FCRL3: variants seen among roughly 807,000 people sequenced by gnomAD.
FCRL3 encodes the protein Fc receptor like 3, also known as Fc receptor-like protein 3.
A neutral mutation model predicts 75.0 loss-of-function variants in FCRL3; 89 were observed. The observed-to-expected ratio is 1.19, with a 90% CI of 1.00 to 1.42. FCRL3 has a LOEUF of 1.42. Ranked by LOEUF, FCRL3 falls within the 40% of genes most tolerant of loss-of-function variation. The pLI, the probability that FCRL3 is intolerant of heterozygous loss-of-function variation, is 0.00. For missense variants in FCRL3, 946 were observed against 880.0 expected (o/e 1.07, Z -0.95); for synonymous variants, 376 against 348.5 (o/e 1.08, Z -0.88).
chr1:157,690,431 G>C lies in FCRL3; in HGVS notation c.1514C>G (p.Pro505Arg), dbSNP rs147268020. The change falls in exon 9 of 15, where the codon CCG becomes CGG. Residue 505 changes from proline (P) to arginine (R), a missense_variant. Coordinates refer to ENST00000368184, the MANE Select transcript of FCRL3 (RefSeq NM_052939.4). Reference protein sequence around the residue: ...LHCESLRGSFPILYWFYHEDD... With the variant: ...LHCESLRGSFRILYWFYHEDD... ...CTCGTGATAAAACCAGTACAGGATCGGGAAGGAGCCTCTCAGGGACTCACA... is the reference window on the plus strand; with the variant it reads ...CTCGTGATAAAACCAGTACAGGATCCGGAAGGAGCCTCTCAGGGACTCACA... 1.2e-6 allele frequency: 2 copies of C among 1,614,216 alleles called. No individual in the cohort carries two copies. Among genetic ancestry groups the C allele is most frequent in the Admixed American group, 3.3e-5 (2 of 60,020 alleles).
At chr1:157,679,035 C>A in intron 13 of FCRL3, 62 bp from the exon 14 acceptor site, 1 of 1,546,964 alleles carries the variant, frequency 6.5e-7, no homozygotes. Flanking sequence ...CAACTTACAA[C>A]GTACGCACAC....
chr1:157,679,140 A>T, intron 13 of FCRL3, 167 bp from the exon 14 acceptor site: 2 of 723,574 alleles, frequency 2.8e-6, no homozygotes, highest in South Asian at 3.6e-5. Context: ...CTCCAAGCCA[A>T]TCTTCTTGAT....
chr1:157,696,353 A>G, intron 6 of FCRL3, 26 bp from the exon 7 acceptor site: 1 of 1,611,230 alleles, frequency 6.2e-7, no homozygotes, highest in Non-Finnish European at 8.5e-7. Context: ...ATGGCATGTG[A>G]AGGTCCTGAT....
chr1:157,683,391 TC>T (rs1282647382), intron 10 of FCRL3, 147 bp from the exon 11 acceptor site: 4 of 937,842 alleles, frequency 4.3e-6, no homozygotes, highest in Non-Finnish European at 6.4e-6. Context: ...CCCTCCTTAC[TC>T]CCCCTATGTT....
chr1:157,690,503 CT>C lies in FCRL3; in HGVS notation c.1441del (p.Arg481GlyfsTer20). 6.2e-7 allele frequency: 1 copy of C among 1,614,218 alleles called. No individual in the cohort carries two copies. The highest frequency in any genetic ancestry group is 1.1e-5 in the South Asian group (1 of 91,082). On this transcript the variant is annotated frameshift_variant, in exon 9 of 15. Transcript: ENST00000368184. LOFTEE classifies it high-confidence loss of function. ...CACCACAGCCTGGGCCCCGGGAGCC[CT>C]GAGGGTGAGGACGGGGCGAGACACC... ...VPVSRPVLTL[R>X]APGAQAVVGD... is the part of the protein sequence containing the mutation.
chr1:157,678,756 T>C lies in FCRL3; in HGVS notation c.2159A>G (p.Glu720Gly), dbSNP rs758945691. The C allele has an allele frequency of 6.2e-7, 1 of 1,614,104 alleles. No individual in the cohort carries two copies. The highest frequency in any genetic ancestry group is 8.5e-7 in the Non-Finnish European group (1 of 1,180,002). The change falls in exon 15 of 15, where the codon GAA becomes GGA. Residue 720 changes from glutamate to glycine, a missense_variant. Transcript: ENST00000368184. ...RGRAHEEDDE[E>G]NYENVPRVLL... ...TACACGTGGTACATTCTCATAGTTT[T>C]CTTCATCATCTTCTTCATGGGCCCT... is the stretch of plus-strand genomic sequence containing the variant.
chr1:157,698,522 C>T lies in FCRL3; in HGVS notation c.160G>A (p.Gly54Arg), dbSNP rs756620692. The change falls in exon 4 of 15, where the codon GGA (glycine) becomes AGA (arginine). Residue 54 changes from glycine (G) to arginine (R), a missense_variant. Transcript: ENST00000368184. Reference protein sequence around the residue: ...CSSISHSLAQGDTYWYHDEKL... With the variant: ...CSSISHSLAQRDTYWYHDEKL... ...TCATCGTGATACCAATATGTGTCTC[C>T]CTGGGCTAGGGAATGTGATATGCTG... The T allele has an allele frequency of 1.2e-5, 19 of 1,614,194 alleles. No homozygotes were observed. Among genetic ancestry groups the T allele is most frequent in the Non-Finnish European group, 1.6e-5 (19 of 1,180,040 alleles).
At chr1:157,684,618 C>CAT (rs1242634062) in intron 10 of FCRL3, among the ~76,000 whole-genome samples, 4 of 152,152 alleles carry the variant, frequency 2.6e-5, no homozygotes, top group African/African-American at 9.6e-5. Context: ...TCCTTGAAGA[C>CAT]ATATGGGCCA....
intron 8 of FCRL3, among the ~76,000 whole-genome samples, chr1:157,694,626 C>G (rs561525518): frequency 6.6e-6 from 1 of 152,276 alleles, no homozygotes; most frequent in African/African-American, 2.4e-5. Context: ...ACTGGAGGTT[C>G]TCTTCTAAAT....
At chr1:157,696,442 C>CCAAAGTAGGAAATAAGGA (rs1310261362) in intron 6 of FCRL3, 115 bp from the exon 7 acceptor site, 17 of 1,066,390 alleles carry the variant, frequency 1.6e-5, no homozygotes, top group Admixed American at 4.6e-5. Flanking sequence ...AGGCAGAAGC[C>CCAAAGTAGGAAATAAGGA]CAAAGTAGGA....
chr1:157,677,782 A>G lies in FCRL3; in HGVS notation c.*928T>C, dbSNP rs1654552325. ...TTTAACTTATAGTTAAAACTAATAT[A>G]AAAACATATTTAAGGAAAACATGTA... On this transcript the variant is annotated 3_prime_UTR_variant, in exon 15 of 15. Coordinates refer to ENST00000368184, the MANE Select transcript of FCRL3 (RefSeq NM_052939.4). 1 of 510,250 alleles carries G rather than the reference A, an allele frequency of 2.0e-6. No homozygotes were observed. The highest frequency in any genetic ancestry group is 2.5e-6 in the Non-Finnish European group (1 of 396,014). The allele number at this position is 510,250 out of a possible 1,614,324, so 31.6% of individuals were successfully genotyped here. A position where few individuals can be genotyped will look rare whatever the true frequency, so the allele number is the denominator to read the frequency against.
Position 157,697,353 on chromosome 1 carries a change from A to C in FCRL3, c.631T>G (p.Cys211Gly). The C allele has an allele frequency of 1.2e-6, 2 of 1,605,176 alleles. No individual in the cohort carries two copies. The highest frequency in any genetic ancestry group is 1.7e-6 in the Non-Finnish European group (2 of 1,176,172). ...PIEGSPMTLT[C>G]ETQLSPQRPD... ...CTCTGTGGAGAGAGCTGGGTCTCAC[A>C]GGTCAGGGTCATGGGACTCCCCTCT... The change falls in exon 6 of 15, where the codon TGT becomes GGT. Residue 211 changes from cysteine to glycine, a missense_variant. Transcript: ENST00000368184.
At chr1:157,698,241 C>T in intron 4 of FCRL3, 143 bp downstream of exon 4, 1 of 1,021,226 alleles carries the variant, frequency 9.8e-7, no homozygotes, top group Admixed American at 2.2e-5. Context: ...ATGCTGCTGC[C>T]CTATCTCTTT....
rs1034759276 is a variant in FCRL3, at chr1:157,677,332, G to T, written c.*1378C>A. On this transcript the variant is annotated 3_prime_UTR_variant, in exon 15 of 15. Coordinates refer to ENST00000368184, the MANE Select transcript of FCRL3 (RefSeq NM_052939.4). ...TGAATGCATGTAAGACATTCCCTAGGGACTCCAAGAAATATTGATTAGAGG... is the reference window on the plus strand; with the variant it reads ...TGAATGCATGTAAGACATTCCCTAGTGACTCCAAGAAATATTGATTAGAGG... 4.5e-5 allele frequency: 44 copies of T among 986,356 alleles called. No homozygotes were observed. Among genetic ancestry groups the T allele is most frequent in the Middle Eastern group, 1.0e-3 (2 of 1,914 alleles). 61.1% of individuals were successfully genotyped at this position (986,356 alleles called of 1,614,324 possible). A position where few individuals can be genotyped will look rare whatever the true frequency, so the allele number is the denominator to read the frequency against.
rs536642965 is a variant in FCRL3, at chr1:157,698,620, G to T, written c.62C>A (p.Pro21Gln). Residue 21 changes from proline to glutamine, a missense_variant, in exon 4 of 15, where the codon CCA (proline) becomes CAA (glutamine). Coordinates refer to ENST00000368184, the MANE Select transcript of FCRL3 (RefSeq NM_052939.4). ...AGGATTGAGGAGAAGTACAGCTTTT[G>T]GGGCCACCCCTAAACAGGAAATAGA... is the stretch of plus-strand genomic sequence containing the variant. ...TPGREQSGVAPKAVLLLNPPW... is the reference protein window; with the variant it reads ...TPGREQSGVAQKAVLLLNPPW... The T allele has an allele frequency of 6.2e-7, 1 of 1,613,940 alleles. No homozygotes were observed. Among genetic ancestry groups the T allele is most frequent in the African/African-American group, 1.3e-5 (1 of 75,032 alleles).
intron 2 of FCRL3, among the ~76,000 whole-genome samples, chr1:157,700,201 T>C (rs889503183): frequency 6.6e-6 from 1 of 152,154 alleles, no homozygotes; most frequent in Non-Finnish European, 1.5e-5. Context: ...GAGTTGTGGT[T>C]TGGCAGAAGG....
chr1:157,695,815 T>C (rs1208580379), intron 7 of FCRL3: 1 of 707,724 alleles, frequency 1.4e-6, no homozygotes, highest in Non-Finnish European at 2.3e-6. Context: ...CACCACTCAG[T>C]CTTCCCCGCA....
chr1:157,690,491 G>T lies in FCRL3; in HGVS notation c.1454C>A (p.Ala485Asp). 1 of 1,614,246 alleles carries T rather than the reference G, an allele frequency of 6.2e-7. No individual in the cohort carries two copies. The highest frequency in any genetic ancestry group is 8.5e-7 in the Non-Finnish European group (1 of 1,180,040). Residue 485 changes from alanine to aspartate, a missense_variant, in exon 9 of 15, where the codon GCC becomes GAC. By Grantham distance (126) the Ala-to-Asp change is moderately radical. Coordinates refer to ENST00000368184, the MANE Select transcript of FCRL3 (RefSeq NM_052939.4). Reference sequence around the variant, plus strand: ...CAGCAGGTCCCCCACCACAGCCTGGGCCCCGGGAGCCCTGAGGGTGAGGAC... The same window carrying T: ...CAGCAGGTCCCCCACCACAGCCTGGTCCCCGGGAGCCCTGAGGGTGAGGAC... Reference protein sequence around the residue: ...RPVLTLRAPGAQAVVGDLLEL... With the variant: ...RPVLTLRAPGDQAVVGDLLEL...
chr1:157,693,723 CCTTTCTCTCTCTCTCTCTCTCTTT>C (rs1456140349), intron 8 of FCRL3, among the ~76,000 whole-genome samples: 1 of 147,304 alleles, frequency 6.8e-6, no homozygotes, highest in African/African-American at 2.5e-5. Flanking sequence ...TTCCTTCCTT[CCTTTCTCTCTCTCTCTCTCTCTTT>C]CTTTCTTTCT....
Sources: gnomAD v4.1 joint callset for allele counts (sites outside exome capture counted in the v4.1 genomes callset) on GRCh38, gnomAD v4.1.1 for gene constraint, MANE v1.5 for transcripts, NCBI Gene and HGNC (gene_info 2026-07-23, HGNC 2026-07-21) for gene names.